Variants in AIG1 observed in about 807,000 individuals in gnomAD.
AIG1 encodes the protein androgen-induced gene 1 protein.
AIG1 carries 23 observed loss-of-function variants against 31.4 expected under a neutral mutation model. The observed-to-expected ratio is 0.73, with a 90% CI of 0.53 to 1.04. The LOEUF is 1.04. Ranked by LOEUF, AIG1 falls within the 50% of genes least tolerant of loss-of-function variation. The probability of loss-of-function intolerance (pLI) is 0.00; values close to 1 mark genes in which losing one functional copy is unlikely to be tolerated. For synonymous variants in AIG1, 100 were observed against 110.5 expected, an observed-to-expected ratio of 0.90 and a Z score of 0.60; for missense variants, 274 against 295.0, an observed-to-expected ratio of 0.93 and a Z score of 0.52.
At chr6:143,232,667 C>T (rs113000495) in intron 3 of AIG1, among the ~76,000 whole-genome samples, 4 of 152,146 alleles carry the variant, frequency 2.6e-5, no homozygotes, top group Non-Finnish European at 4.4e-5. Flanking sequence ...ATCACCATAA[C>T]CTGCTAATAA....
chr6:143,309,580 A>T (rs1775101581), intron 4 of AIG1, among the ~76,000 whole-genome samples: 1 of 152,042 alleles, frequency 6.6e-6, no homozygotes, highest in Non-Finnish European at 1.5e-5. Context: ...AGGGCATAAA[A>T]AAAGAAAGAA....
chr6:143,222,037 C>G (rs185542136), intron 3 of AIG1, among the ~76,000 whole-genome samples: 8 of 152,304 alleles, frequency 5.3e-5, no homozygotes, highest in African/African-American at 1.9e-4. Context: ...AGCAGTTCCT[C>G]GACTCCTGAG....
chr6:143,235,989 G>T (rs1048165865), intron 3 of AIG1, among the ~76,000 whole-genome samples: 1 of 152,208 alleles, frequency 6.6e-6, no homozygotes, highest in Non-Finnish European at 1.5e-5. Flanking sequence ...GAAGGGAGGA[G>T]ATGAGAAGAC....
intron 1 of AIG1, among the ~76,000 whole-genome samples, chr6:143,120,849 C>T (rs946421939): frequency 5.9e-5 from 9 of 152,208 alleles, no homozygotes; most frequent in Admixed American, 2.0e-4. Flanking sequence ...GTGACATGTT[C>T]GTGATGGCCG....
At chr6:143,302,494 G>C (rs974436653) in intron 4 of AIG1, among the ~76,000 whole-genome samples, 1 of 151,610 alleles carries the variant, frequency 6.6e-6, no homozygotes, top group Non-Finnish European at 1.5e-5. Flanking sequence ...TTGTTCTTGC[G>C]ATAGTTTACT....
chr6:143,168,689 G>A (rs963372129), intron 3 of AIG1, among the ~76,000 whole-genome samples: 1 of 152,064 alleles, frequency 6.6e-6, no homozygotes, highest in East Asian at 1.9e-4. Flanking sequence ...TGTAGTCCTA[G>A]CTACTCAGGT....
At chr6:143,078,508 C>T (rs1332905474) in intron 1 of AIG1, among the ~76,000 whole-genome samples, 1 of 152,112 alleles carries the variant, frequency 6.6e-6, no homozygotes, top group Non-Finnish European at 1.5e-5. Context: ...ATTCGAGACT[C>T]GGTAATTTAT....
At position 143,299,519 on chromosome 6, in the gene AIG1, T is replaced by C. The variant is rs189561144; in HGVS notation, c.515+15294T>C. On this transcript the variant is annotated intron_variant, in intron 4 of 5. Coordinates refer to ENST00000357847, the MANE Select transcript of AIG1 (RefSeq NM_016108.4). This position sits in a 1 kb window ranked among gnomAD's most constrained non-coding sequence, Gnocchi z 4.1. ...CAGAGCCTGTTACAGGTGTCATCAATTGATGGACATTTGGTTTGTTTCTTT... is the reference window on the plus strand; with the variant it reads ...CAGAGCCTGTTACAGGTGTCATCAACTGATGGACATTTGGTTTGTTTCTTT... 1.6e-4 allele frequency: 24 copies of C among 152,272 alleles called. No homozygotes were observed. The highest frequency in any genetic ancestry group is 1.3e-3 in the Admixed American group (20 of 15,282). The allele number at this position is 152,272 out of a possible 1,614,324, so 9.4% of individuals were successfully genotyped here. A position where few individuals can be genotyped will look rare whatever the true frequency, so the allele number is the denominator to read the frequency against.
intron 3 of AIG1, among the ~76,000 whole-genome samples, chr6:143,229,117 C>G (rs1376372206): frequency 6.6e-6 from 1 of 152,236 alleles, no homozygotes; most frequent in Non-Finnish European, 1.5e-5. Context: ...CAGGAGTACC[C>G]TTGGACTTGG....
At chr6:143,223,663 T>G (rs1342389110) in intron 3 of AIG1, among the ~76,000 whole-genome samples, 1 of 152,200 alleles carries the variant, frequency 6.6e-6, no homozygotes, top group African/African-American at 2.4e-5. Context: ...TGGTTTAATG[T>G]ACTTGAATGT....
chr6:143,341,641 A>G (rs1777858548), downstream of AIG1, among the ~76,000 whole-genome samples: 1 of 152,226 alleles, frequency 6.6e-6, no homozygotes, highest in Admixed American at 6.5e-5. Context: ...GAGAGGACTC[A>G]GAGGAACCAA....
intron 3 of AIG1, among the ~76,000 whole-genome samples, chr6:143,212,898 T>G (rs1437498085): frequency 6.6e-6 from 1 of 152,176 alleles, no homozygotes; most frequent in Non-Finnish European, 1.5e-5. Context: ...CAACATAAGA[T>G]TTCTGATTTT....
At chr6:143,061,939 G>A (rs1776296802) in intron 1 of AIG1, among the ~76,000 whole-genome samples, 1 of 152,168 alleles carries the variant, frequency 6.6e-6, no homozygotes, top group East Asian at 1.9e-4. Flanking sequence ...TAAGACACAC[G>A]CTAAAAGATT....
intron 1 of AIG1, among the ~76,000 whole-genome samples, chr6:143,082,783 A>G (rs529274776): frequency 2.4e-4 from 37 of 152,246 alleles, no homozygotes; most frequent in African/African-American, 6.7e-4. Context: ...GGACCTGTGT[A>G]AGGACTCTTA....
At chr6:143,180,169 T>C (rs943050080) in intron 3 of AIG1, among the ~76,000 whole-genome samples, 22 of 152,250 alleles carry the variant, frequency 1.4e-4, no homozygotes, top group Non-Finnish European at 2.8e-4. Context: ...GAGTTCTCCA[T>C]GGCCTGCAAC....
At chr6:143,210,063 T>C (rs1365854735) in intron 3 of AIG1, among the ~76,000 whole-genome samples, 1 of 152,166 alleles carries the variant, frequency 6.6e-6, no homozygotes, top group Non-Finnish European at 1.5e-5. Context: ...TGGGAGGTAA[T>C]TTAATCATGG....
intron 4 of AIG1, among the ~76,000 whole-genome samples, chr6:143,303,725 A>G (rs1389902839): frequency 6.9e-6 from 1 of 145,168 alleles, no homozygotes; most frequent in Non-Finnish European, 1.5e-5. Context: ...TTTTGGTTCC[A>G]TATGAACTTT....
chr6:143,201,368 A>C (rs1236335300), intron 3 of AIG1, among the ~76,000 whole-genome samples: 16 of 152,134 alleles, frequency 1.1e-4, no homozygotes, highest in Admixed American at 1.0e-3. Context: ...AAAAAAAAAA[A>C]ATCTTAAAAA....
intron 1 of AIG1, among the ~76,000 whole-genome samples, chr6:143,071,165 A>G (rs774260526): frequency 3.9e-5 from 6 of 152,208 alleles, no homozygotes; most frequent in Admixed American, 3.9e-4. Context: ...TTTCAAGAAT[A>G]TTGTGTATCC....
Sources: allele counts gnomAD v4.1 joint callset (sites outside exome capture counted in the v4.1 genomes callset), GRCh38; gene constraint gnomAD v4.1.1; non-coding constraint Gnocchi (gnomAD v3.1); transcripts MANE v1.5; gene names NCBI Gene and HGNC (gene_info 2026-07-23, HGNC 2026-07-21).